Variants in SEC14L5 observed in about 807,000 individuals in gnomAD.
The protein encoded by SEC14L5 is SEC14-like protein 5.
SEC14L5 carries 96 observed loss-of-function variants against 84.6 expected under a neutral mutation model. The observed-to-expected ratio is 1.13, with a 90% CI of 0.96 to 1.34. The LOEUF (loss-of-function observed/expected upper bound fraction) is 1.34. SEC14L5 is among the 40% of genes most tolerant of loss of function. The pLI, the probability that SEC14L5 is intolerant of heterozygous loss-of-function variation, is 0.00. For missense variants in SEC14L5, 1,224 were observed against 942.5 expected, an observed-to-expected ratio of 1.30 and a Z score of -3.91; for synonymous variants, 546 against 383.4, an observed-to-expected ratio of 1.42 and a Z score of -4.95.
intron 8 of SEC14L5, among the ~76,000 whole-genome samples, chr16:5,000,324 A>C (rs1191759110): frequency 6.6e-6 from 1 of 152,166 alleles, no homozygotes; most frequent in African/African-American, 2.4e-5. Flanking sequence ...TTTTGTAGAG[A>C]AGAGGTCTCA....
At chr16:4,966,167 T>C (rs1179475645) in intron 2 of SEC14L5, among the ~76,000 whole-genome samples, 5 of 151,780 alleles carry the variant, frequency 3.3e-5, no homozygotes, top group Non-Finnish European at 5.9e-5. Context: ...GGGGTTTCAC[T>C]GTGTTAGCCA....
chr16:5,009,314 GTTTTT>G (rs560200600), intron 14 of SEC14L5, among the ~76,000 whole-genome samples: 1 of 150,498 alleles, frequency 6.6e-6, no homozygotes, highest in South Asian at 2.1e-4. Flanking sequence ...CTTAAATCCT[GTTTTT>G]TTTTGAGACA....
chr16:5,007,981 C>G lies in SEC14L5; in HGVS notation c.1573-440C>G, dbSNP rs546454647. On this transcript the variant is annotated intron_variant, in intron 13 of 15. Coordinates refer to ENST00000251170, the MANE Select transcript of SEC14L5 (RefSeq NM_014692.2). The stretch of plus-strand genomic sequence containing the variant: ...GGAGTGCAGTGGCGCAATGTTGGCT[C>G]ACTGCAACTTCTGCCTCCCAGGTTC... 2.7e-4 allele frequency among the ~76,000 whole-genome samples: 40 copies of G among 148,234 alleles called. 1 individual carries two copies. The highest frequency in any genetic ancestry group is 2.5e-3 in the Admixed American group (36 of 14,470).
Position 5,011,076 on chromosome 16 carries a change from C to A in SEC14L5, c.1801-19C>A. ...CTCTGGAGGGCGCAGGGCCTCAGGG[C>A]AGGGCTGATGTGTTTCAGGGCTCCC... On this transcript the variant is annotated intron_variant, in intron 14 of 15. Coordinates refer to ENST00000251170, the MANE Select transcript of SEC14L5 (RefSeq NM_014692.2). 3 of 1,577,568 alleles carry A rather than the reference C, an allele frequency of 1.9e-6. No individual in the cohort carries two copies. The highest frequency in any genetic ancestry group is 2.6e-6 in the Non-Finnish European group (3 of 1,162,274).
chr16:4,964,145 G>A (rs1226610522), intron 2 of SEC14L5, among the ~76,000 whole-genome samples: 1 of 152,218 alleles, frequency 6.6e-6, no homozygotes, highest in Admixed American at 6.5e-5. Flanking sequence ...GGTCCCAGAA[G>A]GTGTGTGGGG....
chr16:5,008,447 G>C lies in SEC14L5; in HGVS notation c.1599G>C (p.Glu533Asp). The change falls in exon 14 of 16, where the codon GAG becomes GAC. Residue 533 changes from glutamate (E) to aspartate (D), a missense_variant. Coordinates refer to ENST00000251170, the MANE Select transcript of SEC14L5 (RefSeq NM_014692.2). ...HEVAVEILEGESVITWDFDIL... is the reference protein window; with the variant it reads ...HEVAVEILEGDSVITWDFDIL... ...TGGCCGTGGAGATCCTGGAAGGAGAGTCGGTCATCACCTGGGACTTTGACA... is the reference window on the plus strand; with the variant it reads ...TGGCCGTGGAGATCCTGGAAGGAGACTCGGTCATCACCTGGGACTTTGACA... The C allele has an allele frequency of 1.9e-6, 3 of 1,613,378 alleles. No homozygotes were observed. Among genetic ancestry groups the C allele is most frequent in the Non-Finnish European group, 2.5e-6 (3 of 1,179,696 alleles).
chr16:4,980,750 G>A (rs1596622328), intron 2 of SEC14L5, among the ~76,000 whole-genome samples: 2 of 152,118 alleles, frequency 1.3e-5, no homozygotes, highest in Admixed American at 6.6e-5. Context: ...AGAGGCAGTC[G>A]TGCCTAGGAG....
intron 6 of SEC14L5, among the ~76,000 whole-genome samples, chr16:4,995,300 G>T (rs774557206): frequency 6.6e-6 from 1 of 152,200 alleles, no homozygotes; most frequent in African/African-American, 2.4e-5. Context: ...AAGAGTGGGG[G>T]AACAGGACTC....
chr16:4,980,399 G>A (rs1385672607), intron 2 of SEC14L5, among the ~76,000 whole-genome samples: 2 of 152,214 alleles, frequency 1.3e-5, no homozygotes, highest in South Asian at 2.1e-4. Context: ...TCCCCTCCGT[G>A]CCTGTTATCT....
At chr16:4,980,191 T>C (rs1172112814) in intron 2 of SEC14L5, among the ~76,000 whole-genome samples, 3 of 152,322 alleles carry the variant, frequency 2.0e-5, no homozygotes, top group African/African-American at 7.2e-5. Context: ...GTTAACACTT[T>C]ATAAAGTCCT....
In SEC14L5 at chr16:5,014,251, G is replaced by A. The variant is rs955569364; in HGVS notation, c.1980-608G>A. Among the ~76,000 whole-genome samples the A allele has an allele frequency of 4.0e-4, 61 of 152,188 alleles. 1 individual carries two copies. The highest frequency in any genetic ancestry group is 4.6e-4 in the Admixed American group (7 of 15,278). ...TGTGCAGGTGTACAGCACGTTCATC[G>A]CAGGAAGTTCTTGGAGGGTGGGCAT... On this transcript the variant is annotated intron_variant, in intron 15 of 15. Coordinates refer to ENST00000251170, the MANE Select transcript of SEC14L5 (RefSeq NM_014692.2).
At chr16:4,961,540 G>A (rs147916765) in intron 2 of SEC14L5, among the ~76,000 whole-genome samples, 4 of 152,176 alleles carry the variant, frequency 2.6e-5, no homozygotes, top group Non-Finnish European at 5.9e-5. Flanking sequence ...CGTTGGCCAC[G>A]CTGGTCTCGA....
chr16:5,001,730 G>A (rs1955680458), intron 10 of SEC14L5, among the ~76,000 whole-genome samples: 1 of 152,032 alleles, frequency 6.6e-6, no homozygotes, highest in Admixed American at 6.6e-5. Flanking sequence ...CGCCCCCAAA[G>A]GCAGCAAACC....
intron 6 of SEC14L5, 64 bp from the exon 7 acceptor site, chr16:4,996,284 A>C (rs1955607330): frequency 1.0e-6 from 1 of 1,000,066 alleles, no homozygotes; most frequent in Non-Finnish European, 1.5e-6. Context: ...AATGGCACAC[A>C]GACCACATGG....
Position 5,015,173 on chromosome 16 carries a change from C to T in SEC14L5, c.*203C>T, listed in dbSNP as rs1006465909. 1.7e-5 allele frequency: 10 copies of T among 580,024 alleles called. No homozygotes were observed. The highest frequency in any genetic ancestry group is 4.6e-4 in the Middle Eastern group (1 of 2,186). 35.9% of individuals were successfully genotyped at this position (580,024 alleles called of 1,614,324 possible). On this transcript the variant is annotated 3_prime_UTR_variant, in exon 16 of 16. Coordinates refer to ENST00000251170, the MANE Select transcript of SEC14L5 (RefSeq NM_014692.2). Reference sequence around the variant, plus strand: ...GTCAGGGCTCTTGAAATTGCAAGGACAGAACCATCTCCTTCCGGCTTCGTG... The same window carrying T: ...GTCAGGGCTCTTGAAATTGCAAGGATAGAACCATCTCCTTCCGGCTTCGTG...
At chr16:4,998,640 AG>A (rs1955641199) in intron 8 of SEC14L5, among the ~76,000 whole-genome samples, 1 of 141,660 alleles carries the variant, frequency 7.1e-6, no homozygotes, top group South Asian at 2.4e-4. Context: ...TGGGAGGCTG[AG>A]GCAGGAGAAT....
At position 5,008,531 on chromosome 16, in the gene SEC14L5, C is replaced by A. The variant is rs770493313; in HGVS notation, c.1683C>A (p.Gly561=). Residue 561 remains glycine, a synonymous_variant, in exon 14 of 16, where the codon GGC becomes GGA. Coordinates refer to ENST00000251170, the MANE Select transcript of SEC14L5 (RefSeq NM_014692.2). ...LYHTKQAPRL[G]AREPGTRASG... ...ACACCAAGCAGGCGCCCAGGCTGGG[C>A]GCCCGGGAACCGGGGACCAGGGCCA... 6 of 1,609,024 alleles carry A rather than the reference C, an allele frequency of 3.7e-6. No homozygotes were observed. The African/African-American group carries it at 5.4e-5, about 14-fold the overall frequency.
rs1373470420 is a variant in SEC14L5 at position 4,959,335 on chromosome 16, A to G, written c.12A>G (p.Arg4=). Residue 4 remains arginine, a synonymous_variant, in exon 2 of 16, where the codon AGA becomes AGG. Coordinates refer to ENST00000251170, the MANE Select transcript of SEC14L5 (RefSeq NM_014692.2). MVQ[R]YQSPVRVYKY... The stretch of plus-strand genomic sequence containing the variant: ...GCTCCAGCGTGAACATGGTGCAAAG[A>G]TACCAGTCTCCTGTCCGAGTCTACA... 6.2e-7 allele frequency: 1 copy of G among 1,613,668 alleles called. No homozygotes were observed. The highest frequency in any genetic ancestry group is 1.7e-5 in the Admixed American group (1 of 59,996).
In SEC14L5 at chr16:4,987,686, G is replaced by C; in HGVS notation, c.193G>C (p.Ala65Pro). ...VERSCRLRVD[A>P]PRLLRKIAGV... ...GCGGAGCTGCCGGCTGCGCGTGGACGCCCCGCGGCTGCTGCGGAAGGTGGG... is the reference window on the plus strand; with the variant it reads ...GCGGAGCTGCCGGCTGCGCGTGGACCCCCCGCGGCTGCTGCGGAAGGTGGG... Residue 65 changes from alanine (A) to proline (P), a missense_variant, in exon 3 of 16, where the codon GCC (alanine) becomes CCC (proline). By Grantham distance (27) the Ala-to-Pro change is conservative (BLOSUM62 -1). Transcript: ENST00000251170. The C allele has an allele frequency of 1.3e-6, 2 of 1,532,802 alleles. No homozygotes were observed. Among genetic ancestry groups the C allele is most frequent in the Non-Finnish European group, 1.7e-6 (2 of 1,143,520 alleles). The allele number at this position is 1,532,802 out of a possible 1,614,324, so 95.0% of individuals were successfully genotyped here.
Sources: allele counts gnomAD v4.1 joint callset (sites outside exome capture counted in the v4.1 genomes callset), GRCh38; gene constraint gnomAD v4.1.1; transcripts MANE v1.5; gene names NCBI Gene and HGNC (gene_info 2026-07-23, HGNC 2026-07-21).